Variants in OSBPL8 observed in about 807,000 individuals in gnomAD.
The protein encoded by OSBPL8 is oxysterol binding protein like 8.
OSBPL8 carries 59 observed loss-of-function variants against 125.5 expected under a neutral mutation model. That is an observed-to-expected ratio of 0.47 (90% CI 0.38 to 0.58). The LOEUF is 0.58. OSBPL8 is among the 20% of genes least tolerant of loss of function. The probability of loss-of-function intolerance (pLI) is 0.00; values close to 1 mark genes in which losing one functional copy is unlikely to be tolerated. For synonymous variants in OSBPL8, 330 were observed against 338.9 expected (o/e 0.97, Z 0.29); for missense variants, 758 against 1,047.8 (o/e 0.72, Z 3.82).
In OSBPL8 at chr12:76,522,202, G is replaced by A. The variant is rs138914747; in HGVS notation, c.-67-34584C>T. Among the ~76,000 whole-genome samples the A allele has an allele frequency of 4.6e-5, 7 of 151,806 alleles. No individual in the cohort carries two copies. The East Asian group carries it at 1.4e-3, about 29-fold the overall frequency. ...AATGAACCTGTCTTTCCTTCTAATA[G>A]GTTAATCTTTGAAGTAAAATAGACT... On this transcript the variant is annotated intron_variant, in intron 1 of 23. Coordinates refer to ENST00000261183, the MANE Select transcript of OSBPL8 (RefSeq NM_020841.5).
At chr12:76,465,437 A>ACTCAGGAGGCTTAGGTAG (rs1167858243) in intron 2 of OSBPL8, among the ~76,000 whole-genome samples, 8 of 151,926 alleles carry the variant, frequency 5.3e-5, no homozygotes, top group African/African-American at 1.9e-4. Context: ...GCGGGCGCCT[A>ACTCAGGAGGCTTAGGTAG]TAGTCCTAGC....
At chr12:76,397,658 C>G (rs1953870110) in intron 8 of OSBPL8, 36 bp downstream of exon 8, 1 of 1,577,688 alleles carries the variant, frequency 6.3e-7, no homozygotes, top group Non-Finnish European at 8.7e-7. Flanking sequence ...GGATTATCAT[C>G]TTTACCTTTC....
At chr12:76,473,900 C>T (rs1876485431) in intron 2 of OSBPL8, among the ~76,000 whole-genome samples, 1 of 152,126 alleles carries the variant, frequency 6.6e-6, no homozygotes, top group African/African-American at 2.4e-5. Flanking sequence ...CTATCTATCT[C>T]ATAGGGTTAT....
intron 4 of OSBPL8, among the ~76,000 whole-genome samples, chr12:76,431,461 AAGAAAT>A (rs1870814475): frequency 6.6e-6 from 1 of 152,178 alleles, no homozygotes; most frequent in African/African-American, 2.4e-5. Context: ...TCCTAATCAA[AAGAAAT>A]AGAGTCACTG....
At chr12:76,528,951 T>C (rs1174581318) in intron 1 of OSBPL8, among the ~76,000 whole-genome samples, 7 of 152,198 alleles carry the variant, frequency 4.6e-5, no homozygotes, top group Admixed American at 1.3e-4. Context: ...AACACAATCT[T>C]ATGCCAGAAT....
At chr12:76,553,481 T>C (rs181816390) in intron 1 of OSBPL8, among the ~76,000 whole-genome samples, 10 of 141,944 alleles carry the variant, frequency 7.0e-5, no homozygotes, top group East Asian at 4.2e-4. Context: ...CTGGGCAACA[T>C]AGTGAGACTC....
rs780860173 is a variant in OSBPL8, at chr12:76,399,915, T to G, written c.426A>C (p.Thr142=). 1.2e-6 allele frequency: 2 copies of G among 1,608,022 alleles called. No homozygotes were observed. The highest frequency in any genetic ancestry group is 1.7e-6 in the Non-Finnish European group (2 of 1,178,444). Residue 142 remains threonine, a synonymous_variant, in exon 7 of 24, where the codon ACA becomes ACC. Coordinates refer to ENST00000261183, the MANE Select transcript of OSBPL8 (RefSeq NM_020841.5). ...KKRATKELLS[T]ITDPSVIVMA... ...TAACAATAACAGAAGGATCTGTGATTGTACTGAGCAGCTCCTTTGTGGCTC... is the reference window on the plus strand; with the variant it reads ...TAACAATAACAGAAGGATCTGTGATGGTACTGAGCAGCTCCTTTGTGGCTC...
At chr12:76,499,934 T>C (rs1411245742) in intron 1 of OSBPL8, among the ~76,000 whole-genome samples, 3 of 152,146 alleles carry the variant, frequency 2.0e-5, no homozygotes, top group African/African-American at 7.2e-5. Flanking sequence ...GGCCCTTTTC[T>C]GTTCTAGTTG....
intron 1 of OSBPL8, among the ~76,000 whole-genome samples, chr12:76,499,309 T>TCTAC (rs1217471216): frequency 1.9e-5 from 2 of 103,174 alleles, no homozygotes; most frequent in African/African-American, 7.8e-5. Flanking sequence ...ATAAACTCTA[T>TCTAC]CTATCTATCT....
At chr12:76,418,414 T>G (rs891375996) in intron 4 of OSBPL8, among the ~76,000 whole-genome samples, 2 of 152,140 alleles carry the variant, frequency 1.3e-5, no homozygotes, top group Non-Finnish European at 2.9e-5. Context: ...CCAAATTCCT[T>G]CCAAATGGTC....
intron 3 of OSBPL8, among the ~76,000 whole-genome samples, chr12:76,459,514 G>A (rs1480483059): frequency 6.6e-6 from 1 of 152,134 alleles, no homozygotes; most frequent in Non-Finnish European, 1.5e-5. Flanking sequence ...CCTTTCATAT[G>A]GCAGTGAAAT....
chr12:76,397,649 G>A (rs1320207469), intron 8 of OSBPL8, 45 bp downstream of exon 8: 8 of 1,550,196 alleles, frequency 5.2e-6, no homozygotes, highest in Non-Finnish European at 7.1e-6. Context: ...TCTATTCATG[G>A]ATTATCATCT....
chr12:76,394,619 T>C (rs747543002), intron 9 of OSBPL8, 26 bp downstream of exon 9: 1 of 1,572,968 alleles, frequency 6.4e-7, no homozygotes, highest in South Asian at 1.1e-5. Context: ...AAGACCAAAA[T>C]CCAATCCATC....
At chr12:76,536,026 A>G (rs79028310) in intron 1 of OSBPL8, among the ~76,000 whole-genome samples, 12,439 of 152,244 alleles carry the variant, frequency 0.082, 655 homozygotes, top group Admixed American at 0.12. Context: ...CATTTTATTC[A>G]GGTGTAAATT....
chr12:76,367,474 G>A (rs1289485583), intron 21 of OSBPL8, among the ~76,000 whole-genome samples: 1 of 151,858 alleles, frequency 6.6e-6, no homozygotes, highest in African/African-American at 2.4e-5. Context: ...TGAATCTCTT[G>A]TACACAGCAA....
At chr12:76,365,295 T>G (rs898154021) in intron 21 of OSBPL8, among the ~76,000 whole-genome samples, 3 of 152,202 alleles carry the variant, frequency 2.0e-5, no homozygotes, top group Non-Finnish European at 4.4e-5. Flanking sequence ...TGTCTTTCCC[T>G]TTATTTAGAT....
At chr12:76,391,741 C>A (rs1265135059) in intron 10 of OSBPL8, among the ~76,000 whole-genome samples, 1 of 151,186 alleles carries the variant, frequency 6.6e-6, no homozygotes, top group Non-Finnish European at 1.5e-5. Flanking sequence ...GCAGCCTGGG[C>A]AACAGAGTGA....
At chr12:76,444,511 C>A (rs1872545471) in intron 4 of OSBPL8, among the ~76,000 whole-genome samples, 1 of 152,124 alleles carries the variant, frequency 6.6e-6, no homozygotes, top group African/African-American at 2.4e-5. Flanking sequence ...AAGACCAGCA[C>A]AAATAAAAGT....
chr12:76,437,532 C>T (rs539389071), intron 4 of OSBPL8, among the ~76,000 whole-genome samples: 1 of 152,304 alleles, frequency 6.6e-6, no homozygotes, highest in South Asian at 2.1e-4. Context: ...ACTTAACTTT[C>T]TCTGGATATT....
Sources: allele counts gnomAD v4.1 joint callset (sites outside exome capture counted in the v4.1 genomes callset), GRCh38; gene constraint gnomAD v4.1.1; transcripts MANE v1.5; gene names NCBI Gene and HGNC (gene_info 2026-07-23, HGNC 2026-07-21).